NLRC3: variants seen among roughly 807,000 people sequenced by gnomAD.
NLRC3 encodes the protein NLR family CARD domain containing 3.
A neutral mutation model predicts 91.6 loss-of-function variants in NLRC3; 87 were observed. The observed-to-expected ratio is 0.95, with a 90% CI of 0.80 to 1.14. The LOEUF (loss-of-function observed/expected upper bound fraction) is 1.14, where lower values mean the gene tolerates loss of function less well. NLRC3 is among the 50% of genes most tolerant of loss of function. NLRC3 has a pLI of 0.00. For synonymous variants in NLRC3, 694 were observed against 625.3 expected (o/e 1.11, Z -1.64); for missense variants, 1,577 against 1,418.6 (o/e 1.11, Z -1.79).
intron 13 of NLRC3, among the ~76,000 whole-genome samples, 168 bp downstream of exon 13, chr16:3,548,974 A>G (rs528837480): frequency 1.3e-5 from 2 of 152,260 alleles, no homozygotes; most frequent in South Asian, 2.1e-4. Flanking sequence ...AGTTTACACT[A>G]TGAGAGTGGG....
intron 9 of NLRC3, 78 bp from the exon 10 acceptor site, chr16:3,552,357 G>T: frequency 9.9e-7 from 1 of 1,008,644 alleles, no homozygotes; most frequent in Non-Finnish European, 1.6e-6. Flanking sequence ...CAGGTTCAAG[G>T]TCAGGGACAA....
At chr16:3,546,944 A>G (rs748947681) in intron 15 of NLRC3, among the ~76,000 whole-genome samples, 6 of 152,144 alleles carry the variant, frequency 3.9e-5, no homozygotes, top group Admixed American at 1.3e-4. Context: ...CAGAGGGGAC[A>G]TCCTGGAAGC....
rs1242799758 is a variant in NLRC3 at position 3,549,698 on chromosome 16, T to C, written c.2518A>G (p.Ser840Gly). ...LCTNQTLLSL[S>G]LRENSISPEG... ...TTGGAGAGGGTGGCCAGGACTTACC[T>C]GAGGCTGAGGAGGGTCTGGTTGGTG... Residue 840 changes from serine to glycine, a missense_variant and splice_region_variant, in exon 12 of 20, where the codon AGC (serine) becomes GGC (glycine). Coordinates refer to ENST00000359128, the MANE Select transcript of NLRC3 (RefSeq NM_178844.4). 3.9e-6 allele frequency: 6 copies of C among 1,550,106 alleles called. No homozygotes were observed. In the African/African-American group the frequency reaches 6.8e-5, roughly 18 times the overall value.
At chr16:3,555,928 AAAT>A (rs1484303719) in intron 8 of NLRC3, 1 of 114,242 alleles carries the variant, frequency 8.8e-6, no homozygotes, top group Non-Finnish European at 1.8e-5. Flanking sequence ...TAATAAAAAT[AAAT>A]AAATAAATAA....
chr16:3,565,737 G>A (rs183496962), intron 2 of NLRC3, among the ~76,000 whole-genome samples: 12 of 152,006 alleles, frequency 7.9e-5, no homozygotes, highest in Admixed American at 1.3e-4. Context: ...CCCACAGAAC[G>A]TACAACTCCA....
rs2038387698 is a variant in NLRC3 at position 3,541,340 on chromosome 16, A to G, written c.*485T>C. The G allele has an allele frequency of 6.5e-6, 1 of 153,654 alleles. No homozygotes were observed. The highest frequency in any genetic ancestry group is 2.4e-5 in the African/African-American group (1 of 41,508). The allele number at this position is 153,654 out of a possible 1,614,324, so 9.5% of individuals were successfully genotyped here. ...ATGTCTGTAAGGATGATACCCTGAAATCTTCTTCTTGAGAAGATAAAGAAG... is the reference window on the plus strand; with the variant it reads ...ATGTCTGTAAGGATGATACCCTGAAGTCTTCTTCTTGAGAAGATAAAGAAG... On this transcript the variant is annotated 3_prime_UTR_variant, in exon 20 of 20. Transcript: ENST00000359128.
Position 3,549,209 on chromosome 16 carries a change from TG to T in NLRC3, c.2535del (p.Ile846SerfsTer19). ...TLLSLSLREN[S>X]ISPEGAQAIA... The stretch of plus-strand genomic sequence containing the variant: ...ATGGCCTGGGCTCCCTCGGGACTGA[TG>T]GAGTTTTCTCGAAGGCTGAAAAAAA... On this transcript the variant is annotated frameshift_variant, in exon 13 of 20. Transcript: ENST00000359128. LOFTEE classifies it high-confidence loss of function. 6.3e-7 allele frequency: 1 copy of T among 1,584,132 alleles called. No individual in the cohort carries two copies. The highest frequency in any genetic ancestry group is 8.6e-7 in the Non-Finnish European group (1 of 1,164,838).
rs548532779 is a variant in NLRC3, at chr16:3,564,105, C to T, written c.832G>A (p.Gly278Ser). 1.9e-5 allele frequency: 31 copies of T among 1,613,546 alleles called. No individual in the cohort carries two copies. The highest frequency in any genetic ancestry group is 2.4e-5 in the Non-Finnish European group (28 of 1,179,902). ...RPSASGQIPG[G>S]LVDRMTEIRG... is the part of the protein sequence containing the mutation. ...ATCTCCGTCATCCGGTCCACCAGGC[C>T]CCCTGGGATCTGGCCAGATGCACTG... The change falls in exon 5 of 20, where the codon GGC becomes AGC. Residue 278 changes from glycine to serine, a missense_variant. Physicochemically the swap from Gly to Ser is moderately conservative, Grantham distance 56. Transcript: ENST00000359128. The surrounding 1 kb of genome is among the most constrained non-coding windows in gnomAD (Gnocchi z 5.9).
chr16:3,571,494 T>C (rs2151107408), intron 1 of NLRC3, among the ~76,000 whole-genome samples: 1 of 147,380 alleles, frequency 6.8e-6, no homozygotes, highest in South Asian at 2.1e-4. Flanking sequence ...CAGTGAGCTA[T>C]GATTGTGCCA....
Position 3,564,719 on chromosome 16 carries a change from T to A in NLRC3, c.218A>T (p.Lys73Met). The A allele has an allele frequency of 1.1e-5, 18 of 1,595,234 alleles. No homozygotes were observed. The highest frequency in any genetic ancestry group is 1.4e-5 in the Non-Finnish European group (16 of 1,176,516). The change falls in exon 5 of 20, where the codon AAG becomes ATG. Residue 73 changes from lysine (K) to methionine (M), a missense_variant. Lys to Met is a moderately conservative substitution (Grantham distance 95). Transcript: ENST00000359128. The surrounding 1 kb of genome is among the most constrained non-coding windows in gnomAD (Gnocchi z 5.9). ...IQRHRKALLS[K>M]VGGGPELGGP... The stretch of plus-strand genomic sequence containing the variant: ...GCCCAGCTCCGGGCCACCTCCCACC[T>A]TGCTCAGCAGGGCCTTGCGGTGCCT...
intron 8 of NLRC3, among the ~76,000 whole-genome samples, chr16:3,554,966 A>C (rs1379237452): frequency 1.3e-5 from 2 of 152,200 alleles, no homozygotes; most frequent in African/African-American, 4.8e-5. Flanking sequence ...ACAGTGGCTC[A>C]CACCTGTAAT....
intron 15 of NLRC3, among the ~76,000 whole-genome samples, chr16:3,547,683 T>G (rs758308455): frequency 3.3e-5 from 5 of 151,692 alleles, no homozygotes; most frequent in Non-Finnish European, 7.4e-5. Flanking sequence ...TATATATATA[T>G]TTTTTAACAG....
chr16:3,550,354 G>C, intron 11 of NLRC3, 60 bp downstream of exon 11: 2 of 1,146,076 alleles, frequency 1.7e-6, no homozygotes, highest in East Asian at 4.7e-5. Context: ...AGGACTGCCG[G>C]CCCACTATCT....
chr16:3,565,131 T>A (rs1262764416), intron 3 of NLRC3, 71 bp from the exon 4 acceptor site: 1 of 1,223,048 alleles, frequency 8.2e-7, no homozygotes, highest in South Asian at 1.3e-5. Flanking sequence ...GGTGAGCAAG[T>A]CCCCAGGAAC....
chr16:3,543,436 C>T lies in NLRC3; in HGVS notation c.2928G>A (p.Leu976=). The change falls in exon 17 of 20, where the codon TTG becomes TTA. Residue 976 remains leucine (L), a synonymous_variant. Coordinates refer to ENST00000359128, the MANE Select transcript of NLRC3 (RefSeq NM_178844.4). ...ACTGGAATACTTACTCGAGAATCTC[C>T]AAGGTTCTGTTCACAGCCAAGGCTT... ...LGEALAVNRT[L]EILDLRGNAI... 1 of 1,611,172 alleles carries T rather than the reference C, an allele frequency of 6.2e-7. No homozygotes were observed. The highest frequency in any genetic ancestry group is 8.5e-7 in the Non-Finnish European group (1 of 1,178,058).
intron 2 of NLRC3, among the ~76,000 whole-genome samples, chr16:3,566,302 T>C (rs745721308): frequency 7.8e-4 from 119 of 151,954 alleles, no homozygotes; most frequent in Non-Finnish European, 1.3e-3. Context: ...AATTTTTCTG[T>C]AAACCTGGCC....
chr16:3,564,664 C>T lies in NLRC3; in HGVS notation c.273G>A (p.Leu91=). The T allele has an allele frequency of 1.9e-6, 3 of 1,605,048 alleles. No individual in the cohort carries two copies. The highest frequency in any genetic ancestry group is 2.5e-6 in the Non-Finnish European group (3 of 1,179,514). The change falls in exon 5 of 20, where the codon CTG becomes CTA. Residue 91 remains leucine, a synonymous_variant. Transcript: ENST00000359128. The surrounding 1 kb of genome is among the most constrained non-coding windows in gnomAD (Gnocchi z 5.9). ...GGPWHRLASL[L]LVEGLTDLQL... is the part of the protein sequence containing the mutation. ...GCAGGTCCGTCAGGCCCTCCACCAG[C>T]AGGAGGGAGGCCAGCCTGTGCCAGG...
At chr16:3,570,409 C>G (rs1444633567) in intron 1 of NLRC3, among the ~76,000 whole-genome samples, 1 of 152,116 alleles carries the variant, frequency 6.6e-6, no homozygotes, top group African/African-American at 2.4e-5. Flanking sequence ...GTTCTAGGCC[C>G]TGGGGATGTG....
rs1024889313 is a variant in NLRC3 at position 3,539,307 on chromosome 16, C to T, written c.*2518G>A. Reference sequence around the variant, plus strand: ...AATTGGAAGGGAGCTAAAGGGTCTACCTCCTACCTAGAAGTCCTTTCTATG... The same window carrying T: ...AATTGGAAGGGAGCTAAAGGGTCTATCTCCTACCTAGAAGTCCTTTCTATG... On this transcript the variant is annotated 3_prime_UTR_variant, in exon 20 of 20. Transcript: ENST00000359128. 1.3e-5 allele frequency: 2 copies of T among 152,194 alleles called. No homozygotes were observed. Among genetic ancestry groups the T allele is most frequent in the African/African-American group, 4.8e-5 (2 of 41,430 alleles). 9.4% of individuals were successfully genotyped at this position (152,194 alleles called of 1,614,324 possible).
Sources: allele counts gnomAD v4.1 joint callset (sites outside exome capture counted in the v4.1 genomes callset), GRCh38; gene constraint gnomAD v4.1.1; non-coding constraint Gnocchi (gnomAD v3.1); transcripts MANE v1.5; gene names NCBI Gene and HGNC (gene_info 2026-07-23, HGNC 2026-07-21).